RUSC2: variants seen among roughly 807,000 people sequenced by gnomAD.
The protein encoded by RUSC2 is AP-4 complex accessory subunit RUSC2.
In RUSC2, 34 loss-of-function variants were observed where a neutral mutation model predicts 122.2. The ratio of observed to expected loss-of-function variants is 0.28; its 90% confidence interval spans 0.21 to 0.37. The LOEUF is 0.37. Ranked by LOEUF, RUSC2 falls within the 10% of genes least tolerant of loss-of-function variation. The pLI, the probability that RUSC2 is intolerant of heterozygous loss-of-function variation, is 1.00. For synonymous variants in RUSC2, 784 were observed against 790.0 expected, an observed-to-expected ratio of 0.99 and a Z score of 0.13; for missense variants, 1,747 against 1,952.4, an observed-to-expected ratio of 0.89 and a Z score of 1.98.
At chr9:35,495,094 T>C (rs868501712) in intron 1 of RUSC2, among the ~76,000 whole-genome samples, 33 of 70,714 alleles carry the variant, frequency 4.7e-4, no homozygotes, top group East Asian at 2.9e-3. Context: ...ATATTATATA[T>C]ACTATAGTAT....
chr9:35,523,325 G>C (rs2132519936), intron 1 of RUSC2, among the ~76,000 whole-genome samples: 1 of 152,330 alleles, frequency 6.6e-6, no homozygotes, highest in South Asian at 2.1e-4. Flanking sequence ...TAATTGTAAT[G>C]TACTCAATGT....
intron 1 of RUSC2, among the ~76,000 whole-genome samples, chr9:35,523,265 G>T (rs559678157): frequency 6.6e-6 from 1 of 152,166 alleles, no homozygotes; most frequent in East Asian, 1.9e-4. Context: ...TAAATAACAG[G>T]ACATAAGTGA....
At chr9:35,505,660 A>G (rs1383909364) in intron 1 of RUSC2, among the ~76,000 whole-genome samples, 1 of 152,192 alleles carries the variant, frequency 6.6e-6, no homozygotes, top group South Asian at 2.1e-4. Flanking sequence ...AAAATGATTG[A>G]AATCCAAACC....
chr9:35,497,570 C>G (rs1285004295), intron 1 of RUSC2, among the ~76,000 whole-genome samples: 1 of 152,166 alleles, frequency 6.6e-6, no homozygotes, highest in Non-Finnish European at 1.5e-5. Flanking sequence ...ATAAACACAT[C>G]TGTGGGAAGC....
intron 1 of RUSC2, among the ~76,000 whole-genome samples, chr9:35,515,226 C>T (rs971471151): frequency 4.6e-5 from 7 of 152,150 alleles, no homozygotes; most frequent in Non-Finnish European, 7.3e-5. Flanking sequence ...TTAAAAATCC[C>T]GTTTTCTTGT....
chr9:35,502,688 C>A (rs1820838036), intron 1 of RUSC2, among the ~76,000 whole-genome samples: 5 of 152,072 alleles, frequency 3.3e-5, no homozygotes, highest in Admixed American at 3.3e-4. Context: ...TTGAACAGTT[C>A]TTAGAGGCCA....
rs1564239984 is a variant in RUSC2, at chr9:35,495,059, CTATAGTATATATTATATATAGTATAT to C, written c.-93+4888_-93+4913del. 2.5e-3 allele frequency among the ~76,000 whole-genome samples: 78 copies of C among 30,868 alleles called. 4 individuals are homozygous for C. The highest frequency in any genetic ancestry group is 0.013 in the African/African-American group (70 of 5,338). The allele number at this position is 30,868 out of a possible 152,430, so 20.3% of individuals were successfully genotyped here. ...TATACTATAGTATATATAATATATA[CTATAGTATATATTATATATAGTATAT>C]ATTATATATACTATAGTATATATTA... On this transcript the variant is annotated intron_variant, in intron 1 of 11. Coordinates refer to ENST00000361226, the MANE Select transcript of RUSC2 (RefSeq NM_014806.5).
intron 9 of RUSC2, among the ~76,000 whole-genome samples, chr9:35,559,708 T>C (rs1822101057): frequency 6.6e-6 from 1 of 152,116 alleles, no homozygotes; most frequent in African/African-American, 2.4e-5. Context: ...GCACTCCAGC[T>C]TGGGCAACAG....
chr9:35,506,160 A>G (rs1397549902), intron 1 of RUSC2, among the ~76,000 whole-genome samples: 2 of 152,218 alleles, frequency 1.3e-5, no homozygotes, highest in Admixed American at 6.5e-5. Flanking sequence ...ATCAATGGGG[A>G]CGGGCTTGCT....
At position 35,560,561 on chromosome 9, in the gene RUSC2, A is replaced by G. The variant is rs1822131802; in HGVS notation, c.3921A>G (p.Gly1307=). 3.3e-5 allele frequency: 53 copies of G among 1,613,822 alleles called. No homozygotes were observed. The highest frequency in any genetic ancestry group is 4.4e-5 in the Non-Finnish European group (52 of 1,179,984). The change falls in exon 10 of 12, where the codon GGA becomes GGG. Residue 1307 remains glycine (G), a synonymous_variant. Transcript: ENST00000361226. ...GCAGCGAGAAAAAGAAAGGGGCAGG[A>G]GGTGGGGGACCTCCCCAGGCTCCAC... is the stretch of plus-strand genomic sequence containing the variant. ...NSSSEKKKGA[G]GGGPPQAPPP...
intron 1 of RUSC2, among the ~76,000 whole-genome samples, chr9:35,528,218 T>G (rs1374917400): frequency 6.6e-6 from 1 of 151,978 alleles, no homozygotes; most frequent in Non-Finnish European, 1.5e-5. Context: ...AGATGCCATC[T>G]CTACAAAAAA....
chr9:35,501,825 T>C (rs1454001433), intron 1 of RUSC2, among the ~76,000 whole-genome samples: 1 of 152,240 alleles, frequency 6.6e-6, no homozygotes, highest in African/African-American at 2.4e-5. Context: ...AAATGAATTA[T>C]AGATCCTTTT....
chr9:35,559,978 G>A (rs976188587), intron 9 of RUSC2, 51 bp from the exon 10 acceptor site: 18 of 1,476,806 alleles, frequency 1.2e-5, no homozygotes, highest in Non-Finnish European at 1.7e-5. Flanking sequence ...GTCCCACTTG[G>A]GCCAGGCTCT....
intron 1 of RUSC2, among the ~76,000 whole-genome samples, chr9:35,517,464 A>C (rs1350789255): frequency 6.6e-6 from 1 of 152,068 alleles, no homozygotes; most frequent in Non-Finnish European, 1.5e-5. Flanking sequence ...GCTGAATGCC[A>C]CATCAGTGGG....
In RUSC2 at chr9:35,556,383, C is replaced by A; in HGVS notation, c.2918C>A (p.Ala973Asp). 6.2e-7 allele frequency: 1 copy of A among 1,614,260 alleles called. No homozygotes were observed. Among genetic ancestry groups the A allele is most frequent in the East Asian group, 2.2e-5 (1 of 44,886 alleles). The change falls in exon 5 of 12, where the codon GCT (alanine) becomes GAT (aspartate). Residue 973 changes from alanine to aspartate, a missense_variant. By Grantham distance (126) the Ala-to-Asp change is moderately radical. Coordinates refer to ENST00000361226, the MANE Select transcript of RUSC2 (RefSeq NM_014806.5). ...DPFSLTEKPPAEFCLSPDGSS... is the reference protein window; with the variant it reads ...DPFSLTEKPPDEFCLSPDGSS... ...TTTTCCTTGACGGAGAAGCCTCCAG[C>A]TGAGTTTTGTCTGTCCCCAGATGGC...
Position 35,559,291 on chromosome 9 carries a change from C to T in RUSC2, c.3388+19C>T. ...CACGAAGGTAATGCCTAGAACCCTG[C>T]AGGTCAAACTCAATGGGTCAGAATT... On this transcript the variant is annotated intron_variant, in intron 9 of 11. Transcript: ENST00000361226. The T allele has an allele frequency of 6.2e-7, 1 of 1,601,054 alleles. No individual in the cohort carries two copies. Among genetic ancestry groups the T allele is most frequent in the Non-Finnish European group, 8.6e-7 (1 of 1,168,126 alleles).
intron 1 of RUSC2, among the ~76,000 whole-genome samples, chr9:35,529,792 GATTT>G (rs1821386339): frequency 6.6e-6 from 1 of 152,054 alleles, no homozygotes; most frequent in African/African-American, 2.4e-5. Context: ...TGGCATTAAA[GATTT>G]ATTTATTAAG....
intron 1 of RUSC2, among the ~76,000 whole-genome samples, chr9:35,528,821 C>T (rs1272245118): frequency 6.6e-6 from 1 of 152,132 alleles, no homozygotes; most frequent in Non-Finnish European, 1.5e-5. Flanking sequence ...CATGGTGTCT[C>T]ACACCTTTAA....
At chr9:35,521,769 C>A (rs1308689993) in intron 1 of RUSC2, among the ~76,000 whole-genome samples, 6 of 152,222 alleles carry the variant, frequency 3.9e-5, no homozygotes, top group African/African-American at 1.4e-4. Context: ...TCAGGCTAGG[C>A]CCTTTCAACA....
Sources: allele counts gnomAD v4.1 joint callset (sites outside exome capture counted in the v4.1 genomes callset), GRCh38; gene constraint gnomAD v4.1.1; transcripts MANE v1.5; gene names NCBI Gene and HGNC (gene_info 2026-07-23, HGNC 2026-07-21).